Variants in DLGAP1 observed in about 807,000 individuals in gnomAD.
The protein encoded by DLGAP1 is DLG associated protein 1, also known as disks large-associated protein 1.
Under a neutral mutation model 90.8 loss-of-function variants are expected in DLGAP1, and 11 were observed. That is an observed-to-expected ratio of 0.12 (90% CI 0.08 to 0.20). The LOEUF (loss-of-function observed/expected upper bound fraction) is 0.20. Ranked by LOEUF, DLGAP1 falls within the 10% of genes least tolerant of loss-of-function variation. The pLI is 1.00. For missense variants in DLGAP1, 1,050 were observed against 1,333.8 expected, an observed-to-expected ratio of 0.79 and a Z score of 3.31; for synonymous variants, 558 against 540.7, an observed-to-expected ratio of 1.03 and a Z score of -0.44.
At chr18:3,929,527 C>G (rs1429813039) in intron 3 of DLGAP1, among the ~76,000 whole-genome samples, 1 of 152,110 alleles carries the variant, frequency 6.6e-6, no homozygotes, top group Non-Finnish European at 1.5e-5. Context: ...TCTAAACCAC[C>G]TTTTGTCTGA....
Position 4,454,915 on chromosome 18 carries a change from C to G in DLGAP1, c.-267+91G>C. ...CCTCCGCGGGCGAGGGAAGCGGCGA[C>G]CGCGCGGCAGGCAGCAGCCAGGAGC... On this transcript the variant is annotated intron_variant, in intron 1 of 12. Transcript: ENST00000315677. The surrounding 1 kb of genome is among the most constrained non-coding windows in gnomAD (Gnocchi z 4.7). The G allele has an allele frequency of 6.6e-6, 1 of 150,842 alleles. No individual in the cohort carries two copies. The highest frequency in any genetic ancestry group is 2.0e-4 in the East Asian group (1 of 5,106). The allele number at this position is 150,842 out of a possible 1,614,324, so 9.3% of individuals were successfully genotyped here.
At chr18:3,587,137 C>T (rs903025002) in intron 7 of DLGAP1, among the ~76,000 whole-genome samples, 5 of 152,204 alleles carry the variant, frequency 3.3e-5, no homozygotes, top group Non-Finnish European at 5.9e-5. Flanking sequence ...TCACTGCAAC[C>T]TCTGCCTCCC....
chr18:3,579,627 GGAGA>G (rs777206013), intron 8 of DLGAP1, among the ~76,000 whole-genome samples: 3 of 152,204 alleles, frequency 2.0e-5, no homozygotes, highest in Non-Finnish European at 4.4e-5. Flanking sequence ...CAACAAAAAT[GGAGA>G]GAGAGGATGA....
intron 5 of DLGAP1, among the ~76,000 whole-genome samples, chr18:3,795,604 G>A (rs917818138): frequency 9.9e-5 from 15 of 152,060 alleles, no homozygotes; most frequent in African/African-American, 2.4e-4. Context: ...ATGAGTCACC[G>A]CGCCTGGCCT....
intron 1 of DLGAP1, among the ~76,000 whole-genome samples, chr18:4,192,546 G>A (rs1030848212): frequency 1.3e-5 from 2 of 152,078 alleles, no homozygotes; most frequent in African/African-American, 2.4e-5. Context: ...AAGGTATGCC[G>A]CCAAACACAA....
At chr18:4,116,813 G>T (rs1359988145) in intron 2 of DLGAP1, among the ~76,000 whole-genome samples, 1 of 152,110 alleles carries the variant, frequency 6.6e-6, no homozygotes, top group Non-Finnish European at 1.5e-5. Context: ...TATTTAAAAT[G>T]TGTGATGTCA....
rs536141024 is a variant in DLGAP1 at position 3,964,111 on chromosome 18, G to C, written c.-73+41005C>G. 1.4e-3 allele frequency among the ~76,000 whole-genome samples: 219 copies of C among 152,272 alleles called. 1 individual carries two copies. Among genetic ancestry groups the C allele is most frequent in the African/African-American group, 4.9e-3 (204 of 41,540 alleles). On this transcript the variant is annotated intron_variant, in intron 3 of 12. Transcript: ENST00000315677. ...ATTAGGAGGAGTGGGTTAAGATGAT[G>C]AGCTGGATATGTATACACACTCCCT...
intron 2 of DLGAP1, among the ~76,000 whole-genome samples, chr18:4,072,557 C>T (rs186593838): frequency 5.8e-4 from 88 of 152,034 alleles, no homozygotes; most frequent in African/African-American, 2.1e-3. Context: ...GCAACCTCCA[C>T]CTCCGGGTTT....
chr18:3,582,781 C>T (rs561994341), intron 7 of DLGAP1, among the ~76,000 whole-genome samples: 2 of 152,238 alleles, frequency 1.3e-5, no homozygotes, highest in African/African-American at 2.4e-5. Context: ...AGGGTACACA[C>T]GCCATGGTAG....
At position 3,874,188 on chromosome 18, in the gene DLGAP1, C is replaced by T. The variant is rs760051661; in HGVS notation, c.957+4924G>A. On this transcript the variant is annotated intron_variant, in intron 4 of 12. Transcript: ENST00000315677. Reference sequence around the variant, plus strand: ...CCTTCCATTTCTTGAAACTTGCACACAAACTGAAGAAACCCACTCAGCCTT... The same window carrying T: ...CCTTCCATTTCTTGAAACTTGCACATAAACTGAAGAAACCCACTCAGCCTT... The T allele has an allele frequency of 4.6e-5, 71 of 1,550,142 alleles. No individual in the cohort carries two copies. The Middle Eastern group carries it at 8.3e-4, about 18-fold the overall frequency.
At chr18:3,981,253 T>C (rs1316665973) in intron 3 of DLGAP1, among the ~76,000 whole-genome samples, 2 of 152,242 alleles carry the variant, frequency 1.3e-5, no homozygotes, top group African/African-American at 4.8e-5. Context: ...CTTTTGTGAT[T>C]TGATTCAAAG....
At chr18:4,409,086 TCTA>T (rs761306232) in intron 1 of DLGAP1, among the ~76,000 whole-genome samples, 1 of 151,964 alleles carries the variant, frequency 6.6e-6, no homozygotes, top group African/African-American at 2.4e-5. Flanking sequence ...TTATGATATA[TCTA>T]CTACATGGAA....
intron 1 of DLGAP1, among the ~76,000 whole-genome samples, chr18:4,415,879 T>A (rs552501667): frequency 6.6e-6 from 1 of 152,302 alleles, no homozygotes; most frequent in Non-Finnish European, 1.5e-5. Flanking sequence ...ATCATGATAT[T>A]TGCATTATTA....
intron 6 of DLGAP1, among the ~76,000 whole-genome samples, chr18:3,738,113 T>C (rs370997295): frequency 6.6e-6 from 1 of 151,620 alleles, no homozygotes; most frequent in African/African-American, 2.4e-5. Flanking sequence ...CACTGCTCAA[T>C]GAAATAAAAG....
chr18:4,302,023 T>C (rs1160006650), intron 1 of DLGAP1, among the ~76,000 whole-genome samples: 5 of 152,214 alleles, frequency 3.3e-5, no homozygotes, highest in Non-Finnish European at 7.3e-5. Context: ...GAGTTTCTTA[T>C]ATATATTGGA....
chr18:3,955,191 A>G (rs1568317883), intron 3 of DLGAP1, among the ~76,000 whole-genome samples: 1 of 152,150 alleles, frequency 6.6e-6, no homozygotes, highest in Non-Finnish European at 1.5e-5. Flanking sequence ...GGCAATGGGT[A>G]GTGTGCTCAA....
intron 7 of DLGAP1, among the ~76,000 whole-genome samples, chr18:3,662,130 G>A (rs1460411): frequency 0.32 from 48,020 of 151,792 alleles, 9,167 homozygotes; most frequent in African/African-American, 0.55. Context: ...GCTACACACA[G>A]TAAAAGGTGC....
chr18:3,894,326 T>C (rs924767315), intron 3 of DLGAP1, among the ~76,000 whole-genome samples: 1 of 152,226 alleles, frequency 6.6e-6, no homozygotes, highest in African/African-American at 2.4e-5. Context: ...GATTTTCTTC[T>C]AGAATTTTTA....
chr18:3,666,675 A>G (rs541775370), intron 7 of DLGAP1, among the ~76,000 whole-genome samples: 2 of 152,236 alleles, frequency 1.3e-5, no homozygotes, highest in Non-Finnish European at 2.9e-5. Flanking sequence ...TCCTTAGCAG[A>G]ATCTCCTGAG....
Sources: allele counts gnomAD v4.1 joint callset (sites outside exome capture counted in the v4.1 genomes callset), GRCh38; gene constraint gnomAD v4.1.1; non-coding constraint Gnocchi (gnomAD v3.1); transcripts MANE v1.5; gene names NCBI Gene and HGNC (gene_info 2026-07-23, HGNC 2026-07-21).